SYT1: variants seen among roughly 807,000 people sequenced by gnomAD.
The protein encoded by SYT1 is synaptotagmin 1, also known as synaptotagmin-1.
In SYT1, 8 loss-of-function variants were observed where a neutral mutation model predicts 44.8. The ratio of observed to expected loss-of-function variants is 0.18; its 90% CI spans 0.10 to 0.32. The LOEUF (loss-of-function observed/expected upper bound fraction) is 0.32. Ranked by LOEUF, SYT1 falls within the 10% of genes least tolerant of loss-of-function variation. The pLI, the probability that SYT1 is intolerant of heterozygous loss-of-function variation, is 1.00. For missense variants in SYT1, 286 were observed against 509.3 expected, an observed-to-expected ratio of 0.56 and a Z score of 4.22; for synonymous variants, 154 against 188.8, an observed-to-expected ratio of 0.82 and a Z score of 1.51.
chr12:79,234,377 C>A (rs956651101), intron 4 of SYT1, among the ~76,000 whole-genome samples: 28 of 152,184 alleles, frequency 1.8e-4, no homozygotes, highest in African/African-American at 6.8e-4. Context: ...GTAATCACCA[C>A]CCCCAAAAAT....
intron 4 of SYT1, among the ~76,000 whole-genome samples, chr12:79,258,778 T>C (rs900280026): frequency 5.9e-5 from 9 of 152,374 alleles, no homozygotes; most frequent in African/African-American, 1.9e-4. Context: ...GTAGTACCCA[T>C]ACTTTTTTAT....
chr12:78,919,989 TTAGTAGCAA>T (rs1348563154), intron 1 of SYT1, among the ~76,000 whole-genome samples: 1 of 151,004 alleles, frequency 6.6e-6, no homozygotes, highest in Admixed American at 6.7e-5. Flanking sequence ...ACACCATATA[TTAGTAGCAA>T]TATATTGTAG....
chr12:79,064,964 GAAAGAAAGAAAGAAAGAAAGA>G (rs1170371209), intron 3 of SYT1, among the ~76,000 whole-genome samples: 3 of 150,122 alleles, frequency 2.0e-5, no homozygotes, highest in Non-Finnish European at 4.4e-5. Flanking sequence ...AAGAAAGAAA[GAAAGAAAGAAAGAAAGAAAGA>G]AAGAAAGAAA....
intron 3 of SYT1, among the ~76,000 whole-genome samples, chr12:79,168,461 G>A (rs1266618769): frequency 2.0e-5 from 3 of 151,972 alleles, no homozygotes; most frequent in Non-Finnish European, 4.4e-5. Flanking sequence ...AAGATGGGAC[G>A]GCACACCCAG....
At chr12:79,064,648 A>C (rs186863485) in intron 3 of SYT1, among the ~76,000 whole-genome samples, 1 of 152,086 alleles carries the variant, frequency 6.6e-6, no homozygotes, top group Non-Finnish European at 1.5e-5. Context: ...TACCACCTAC[A>C]TATTACCATA....
chr12:79,435,293 T>C (rs1314189599), intron 9 of SYT1, among the ~76,000 whole-genome samples: 1 of 152,176 alleles, frequency 6.6e-6, no homozygotes, highest in Non-Finnish European at 1.5e-5. Flanking sequence ...ATACAGGGAC[T>C]GAAAAAGATA....
intron 1 of SYT1, among the ~76,000 whole-genome samples, chr12:78,881,887 T>A (rs1874476333): frequency 6.6e-6 from 1 of 151,790 alleles, no homozygotes; most frequent in Non-Finnish European, 1.5e-5. Flanking sequence ...TAAACTTGAC[T>A]CATCCCTCAG....
chr12:79,247,832 C>G (rs535977299), intron 4 of SYT1, among the ~76,000 whole-genome samples: 1 of 151,778 alleles, frequency 6.6e-6, no homozygotes, highest in Non-Finnish European at 1.5e-5. Flanking sequence ...TTTCAAAAAC[C>G]GCAGGAAGCT....
chr12:78,892,729 A>G (rs181343741), intron 1 of SYT1, among the ~76,000 whole-genome samples: 1 of 151,928 alleles, frequency 6.6e-6, no homozygotes, highest in East Asian at 1.9e-4. Flanking sequence ...ACAAATATAT[A>G]TGGATATTTA....
chr12:78,865,569 G>T (rs1028066192), intron 1 of SYT1, among the ~76,000 whole-genome samples: 132 of 151,714 alleles, frequency 8.7e-4, no homozygotes, highest in African/African-American at 2.9e-3. Flanking sequence ...GGATATGGGG[G>T]GGGGGGGGAA....
chr12:79,291,476 T>G (rs1879578847), intron 5 of SYT1, among the ~76,000 whole-genome samples: 1 of 152,214 alleles, frequency 6.6e-6, no homozygotes, highest in Non-Finnish European at 1.5e-5. Flanking sequence ...CATACCATGA[T>G]AAATGTATAT....
At chr12:79,139,407 A>G (rs1869414717) in intron 3 of SYT1, among the ~76,000 whole-genome samples, 1 of 152,234 alleles carries the variant, frequency 6.6e-6, no homozygotes, top group East Asian at 1.9e-4. Flanking sequence ...ATGATTTTTG[A>G]TGATGACATT....
At chr12:79,214,498 T>C (rs1218278520) in intron 3 of SYT1, among the ~76,000 whole-genome samples, 1 of 152,222 alleles carries the variant, frequency 6.6e-6, no homozygotes, top group Non-Finnish European at 1.5e-5. Context: ...TATAGTCTTT[T>C]ATGTCTTTCA....
At chr12:79,342,284 T>A (rs1357753708) in intron 8 of SYT1, among the ~76,000 whole-genome samples, 3 of 152,072 alleles carry the variant, frequency 2.0e-5, no homozygotes, top group Admixed American at 1.3e-4. Context: ...CAGGCTGGAG[T>A]GCAGTGCCAC....
At position 79,067,070 on chromosome 12, in the gene SYT1, A is replaced by C. The variant is rs187305493; in HGVS notation, c.-18+19708A>C. ...GGGATCATAGATCAAAATGATGGGAAAACCTTCCTGCCACAACAAGCCAGT... is the reference window on the plus strand; with the variant it reads ...GGGATCATAGATCAAAATGATGGGACAACCTTCCTGCCACAACAAGCCAGT... On this transcript the variant is annotated intron_variant, in intron 3 of 10. Coordinates refer to ENST00000261205, the MANE Select transcript of SYT1 (RefSeq NM_005639.3). Among the ~76,000 whole-genome samples the C allele has an allele frequency of 9.7e-3, 1,472 of 152,272 alleles. 28 individuals carry two copies. Among genetic ancestry groups the C allele is most frequent in the African/African-American group, 0.034 (1,399 of 41,568 alleles).
chr12:78,916,233 T>C (rs1876646335), intron 1 of SYT1, among the ~76,000 whole-genome samples: 1 of 152,094 alleles, frequency 6.6e-6, no homozygotes, highest in Non-Finnish European at 1.5e-5. Flanking sequence ...TAAGATTTTC[T>C]CTTATTTAAC....
At chr12:78,893,357 T>C (rs1177744564) in intron 1 of SYT1, among the ~76,000 whole-genome samples, 1 of 151,832 alleles carries the variant, frequency 6.6e-6, no homozygotes, top group African/African-American at 2.4e-5. Context: ...TACATATTTT[T>C]GAATTAAACT....
intron 3 of SYT1, among the ~76,000 whole-genome samples, chr12:79,130,330 T>C (rs543206050): frequency 1.2e-4 from 18 of 152,292 alleles, no homozygotes; most frequent in African/African-American, 4.1e-4. Flanking sequence ...GAACACACAG[T>C]TAATCGAGGA....
At chr12:79,004,236 T>G (rs1057479526) in intron 2 of SYT1, among the ~76,000 whole-genome samples, 4 of 152,108 alleles carry the variant, frequency 2.6e-5, no homozygotes, top group Middle Eastern at 3.4e-3. Flanking sequence ...AAGCATGCTA[T>G]ATTATTATTA....
Sources: gnomAD v4.1 joint callset for allele counts (sites outside exome capture counted in the v4.1 genomes callset) on GRCh38, gnomAD v4.1.1 for gene constraint, MANE v1.5 for transcripts, NCBI Gene and HGNC (gene_info 2026-07-23, HGNC 2026-07-21) for gene names.